CEP112: variants seen among roughly 807,000 people sequenced by gnomAD.
The protein encoded by CEP112 is centrosomal protein of 112 kDa.
Under a neutral mutation model 153.0 loss-of-function variants are expected in CEP112, and 127 were observed. The ratio of observed to expected loss-of-function variants is 0.83; its 90% CI spans 0.72 to 0.96. CEP112 has a LOEUF of 0.96. CEP112 is among the 40% of genes least tolerant of loss of function. CEP112 has a pLI of 0.00. For missense variants in CEP112, 1,089 were observed against 1,101.2 expected (o/e 0.99, Z 0.16); for synonymous variants, 358 against 374.4 (o/e 0.96, Z 0.51).
chr17:66,087,091 T>A (rs1039452405), intron 8 of CEP112, among the ~76,000 whole-genome samples: 3 of 152,204 alleles, frequency 2.0e-5, no homozygotes, highest in Admixed American at 6.5e-5. Context: ...AAGTTTATGA[T>A]TACATGCAAA....
intron 20 of CEP112, among the ~76,000 whole-genome samples, chr17:65,869,589 T>C (rs1182332597): frequency 6.6e-6 from 1 of 151,058 alleles, no homozygotes; most frequent in African/African-American, 2.4e-5. Context: ...CTTTTTTTTT[T>C]TTTTTTTTCA....
intron 24 of CEP112, among the ~76,000 whole-genome samples, chr17:65,657,267 CTAA>C (rs2046109762): frequency 6.6e-6 from 1 of 152,180 alleles, no homozygotes; most frequent in Non-Finnish European, 1.5e-5. Context: ...GGTCTCATTT[CTAA>C]TGTTTTTCTT....
At chr17:65,724,051 G>GA (rs74767246) in intron 23 of CEP112, among the ~76,000 whole-genome samples, 5 of 151,888 alleles carry the variant, frequency 3.3e-5, no homozygotes, top group African/African-American at 1.2e-4. Context: ...TGCTTCTCTT[G>GA]AAAAAATGGG....
Position 65,770,105 on chromosome 17 carries a change from G to GA in CEP112, c.2395-19382dup, listed in dbSNP as rs950903679. 1.1e-3 allele frequency among the ~76,000 whole-genome samples: 161 copies of GA among 142,820 alleles called. 2 individuals carry two copies. Among genetic ancestry groups the GA allele is most frequent in the Middle Eastern group, 3.5e-3 (1 of 284 alleles). 93.7% of individuals were successfully genotyped at this position (142,820 alleles called of 152,430 possible). A position where few individuals can be genotyped will look rare whatever the true frequency, so the allele number is the denominator to read the frequency against. On this transcript the variant is annotated intron_variant, in intron 21 of 26. Coordinates refer to ENST00000535342, the MANE Select transcript of CEP112 (RefSeq NM_001199165.4). ...GGAATGGCTGAAAATTTTCCAAAAT[G>GA]AAAAAAAAAACCTCTAAGACCACAA... is the stretch of plus-strand genomic sequence containing the variant.
In CEP112 at chr17:66,175,071, A is replaced by G. The variant is rs1466975017; in HGVS notation, c.443T>C (p.Leu148Ser). Residue 148 changes from leucine to serine, a missense_variant, in exon 4 of 27, where the codon TTA becomes TCA. Coordinates refer to ENST00000535342, the MANE Select transcript of CEP112 (RefSeq NM_001199165.4). ...WKLSSGEDNT[L>S]VQSPTDVYSR... ...GTAGACATCAGTTGGCGACTGTACT[A>G]AAGTGTTATCTTCTCCAGAAGAGAG... 14 of 1,611,400 alleles carry G rather than the reference A, an allele frequency of 8.7e-6. No individual in the cohort carries two copies. The highest frequency in any genetic ancestry group is 9.3e-6 in the Non-Finnish European group (11 of 1,178,818).
intron 6 of CEP112, among the ~76,000 whole-genome samples, chr17:66,111,400 C>A (rs1180592374): frequency 6.6e-6 from 1 of 152,222 alleles, no homozygotes; most frequent in East Asian, 1.9e-4. Context: ...TAGAGACACA[C>A]GCGAATGTTC....
intron 4 of CEP112, among the ~76,000 whole-genome samples, chr17:66,168,150 A>AT (rs397686387): frequency 5.3e-5 from 8 of 151,914 alleles, no homozygotes; most frequent in East Asian, 1.9e-4. Context: ...CCATAGACAC[A>AT]TTTTTTTTAC....
At chr17:65,947,249 AATCAT>A (rs2061679070) in intron 18 of CEP112, among the ~76,000 whole-genome samples, 1 of 121,558 alleles carries the variant, frequency 8.2e-6, no homozygotes, top group South Asian at 3.6e-4. Flanking sequence ...CTTCTATTAT[AATCAT>A]ACACCTTTAT....
Position 66,027,569 on chromosome 17 carries a change from GATAA to G in CEP112, c.1597-13_1597-10del, listed in dbSNP as rs759202750. The G allele has an allele frequency of 1.3e-5, 17 of 1,264,442 alleles. No homozygotes were observed. The highest frequency in any genetic ancestry group is 7.3e-5 in the South Asian group (5 of 68,494). The allele number at this position is 1,264,442 out of a possible 1,614,324, so 78.3% of individuals were successfully genotyped here. A position where few individuals can be genotyped will look rare whatever the true frequency, so the allele number is the denominator to read the frequency against. ...AACTTATTTTCTTGATCCTGTGAAT[GATAA>G]ATGTTTATATTTATTATACTTTAAA... On this transcript the variant is annotated splice_polypyrimidine_tract_variant and intron_variant, in intron 15 of 26. Transcript: ENST00000535342.
intron 23 of CEP112, among the ~76,000 whole-genome samples, chr17:65,722,196 G>A (rs1295371587): frequency 6.6e-6 from 1 of 152,020 alleles, no homozygotes; most frequent in Non-Finnish European, 1.5e-5. Flanking sequence ...TTTCATTTTT[G>A]AAGTGGGGGA....
At chr17:65,660,458 CTCTCCTTCCTTCCTTCCTTCCT>C (rs1488526376) in intron 24 of CEP112, among the ~76,000 whole-genome samples, 1 of 54,894 alleles carries the variant, frequency 1.8e-5, no homozygotes. Flanking sequence ...TCTCTTCTCT[CTCTCCTTCCTTCCTTCCTTCCT>C]TCCTTCCTTC....
chr17:65,815,737 AT>A (rs1416588745), intron 21 of CEP112, among the ~76,000 whole-genome samples: 3 of 152,128 alleles, frequency 2.0e-5, no homozygotes, highest in Non-Finnish European at 4.4e-5. Context: ...AGTATTTCAT[AT>A]TTGTGATGAT....
intron 17 of CEP112, among the ~76,000 whole-genome samples, chr17:65,976,689 A>C (rs2063044835): frequency 6.6e-6 from 1 of 151,514 alleles, no homozygotes. Context: ...ATAACATTAT[A>C]TAGGCCATAT....
chr17:65,841,293 A>G (rs1174967882), intron 21 of CEP112, among the ~76,000 whole-genome samples: 1 of 152,112 alleles, frequency 6.6e-6, no homozygotes, highest in Admixed American at 6.5e-5. Flanking sequence ...TGTGCGATAT[A>G]TACACAACAG....
intron 24 of CEP112, among the ~76,000 whole-genome samples, chr17:65,687,448 G>A (rs1446455780): frequency 6.6e-6 from 1 of 152,048 alleles, no homozygotes; most frequent in Non-Finnish European, 1.5e-5. Flanking sequence ...TTACAGGTGT[G>A]AGCCACTGCG....
chr17:65,929,621 A>G (rs921610795), intron 18 of CEP112, among the ~76,000 whole-genome samples: 5 of 145,078 alleles, frequency 3.4e-5, no homozygotes, highest in African/African-American at 1.3e-4. Flanking sequence ...TATAATCTAC[A>G]TCTTCATTAG....
At chr17:66,073,392 TGC>T (rs2067371050) in intron 8 of CEP112, among the ~76,000 whole-genome samples, 1 of 152,164 alleles carries the variant, frequency 6.6e-6, no homozygotes, top group Non-Finnish European at 1.5e-5. Flanking sequence ...GAATCTTAAA[TGC>T]AGGGTACTAA....
chr17:65,823,527 CA>C (rs1300137543), intron 21 of CEP112, among the ~76,000 whole-genome samples: 1 of 152,020 alleles, frequency 6.6e-6, no homozygotes, highest in Non-Finnish European at 1.5e-5. Flanking sequence ...GACCACAGAC[CA>C]AAAAGTAAAA....
intron 4 of CEP112, among the ~76,000 whole-genome samples, chr17:66,167,851 T>C (rs2072045999): frequency 6.6e-6 from 1 of 152,134 alleles, no homozygotes; most frequent in Admixed American, 6.5e-5. Context: ...GAGGATTCAA[T>C]CTGATGACTT....
Sources: gnomAD v4.1 joint callset for allele counts (sites outside exome capture counted in the v4.1 genomes callset) on GRCh38, gnomAD v4.1.1 for gene constraint, MANE v1.5 for transcripts, NCBI Gene and HGNC (gene_info 2026-07-23, HGNC 2026-07-21) for gene names.